PRKAG2: variants seen among roughly 807,000 people sequenced by gnomAD.
PRKAG2 encodes 5'-AMP-activated protein kinase subunit gamma-2.
In PRKAG2, 26 loss-of-function variants were observed where a neutral mutation model predicts 69.6. That is an observed-to-expected ratio of 0.37 (90% CI 0.27 to 0.52). The LOEUF is 0.52. PRKAG2 is among the 20% of genes least tolerant of loss of function. The pLI is 0.90. For synonymous variants in PRKAG2, 293 were observed against 285.0 expected (o/e 1.03, Z -0.28); for missense variants, 557 against 740.0 (o/e 0.75, Z 2.87).
intron 1 of PRKAG2, among the ~76,000 whole-genome samples, chr7:151,827,716 C>T (rs2078931973): frequency 8.1e-6 from 1 of 123,046 alleles, no homozygotes; most frequent in South Asian, 2.8e-4. Context: ...ACACATATTC[C>T]AGTAGGAATT....
At chr7:151,827,196 G>C (rs2151870661) in intron 1 of PRKAG2, among the ~76,000 whole-genome samples, 1 of 152,266 alleles carries the variant, frequency 6.6e-6, no homozygotes, top group South Asian at 2.1e-4. Context: ...AATCCATCTG[G>C]GGTCCAGTGG....
At chr7:151,674,294 AGCCCT>A (rs1227128774) in intron 4 of PRKAG2, among the ~76,000 whole-genome samples, 1 of 152,254 alleles carries the variant, frequency 6.6e-6, no homozygotes, top group Non-Finnish European at 1.5e-5. Context: ...AAGAGAGTGT[AGCCCT>A]GCCAACACCT....
chr7:151,726,093 C>T (rs1196209534), intron 3 of PRKAG2, among the ~76,000 whole-genome samples: 1 of 152,070 alleles, frequency 6.6e-6, no homozygotes, highest in East Asian at 1.9e-4. Flanking sequence ...CCACAGGGGT[C>T]CCACCTGCTA....
chr7:151,852,881 G>A (rs1055544134), intron 1 of PRKAG2, among the ~76,000 whole-genome samples: 4 of 152,226 alleles, frequency 2.6e-5, no homozygotes, highest in African/African-American at 9.6e-5. Context: ...GGCCCCATAA[G>A]GGGTCAGGAG....
Position 151,828,192 on chromosome 7 carries a change from G to A in PRKAG2, c.115-41651C>T, listed in dbSNP as rs747606228. Reference sequence around the variant, plus strand: ...CAACTCTTTGTCCAGGGGTCTCCACGCTTTTGTGAGGAAGAGCTACCTCTC... The same window carrying A: ...CAACTCTTTGTCCAGGGGTCTCCACACTTTTGTGAGGAAGAGCTACCTCTC... On this transcript the variant is annotated intron_variant, in intron 1 of 15. Transcript: ENST00000287878. This position sits in a 1 kb window ranked among gnomAD's most constrained non-coding sequence, Gnocchi z 4.6. 9.9e-5 allele frequency among the ~76,000 whole-genome samples: 15 copies of A among 152,192 alleles called. No individual in the cohort carries two copies. The highest frequency in any genetic ancestry group is 1.6e-4 in the Non-Finnish European group (11 of 68,036).
intron 1 of PRKAG2, among the ~76,000 whole-genome samples, chr7:151,875,996 G>A (rs898568792): frequency 2.0e-5 from 3 of 151,808 alleles, no homozygotes; most frequent in African/African-American, 7.3e-5. Flanking sequence ...CTGGAGCGGA[G>A]GGGGTGCATT....
At position 151,688,042 on chromosome 7, in the gene PRKAG2, G is replaced by GCCCCCCCCCCCCCCCCCC. The variant is rs61417635; in HGVS notation, c.467-12406_467-12405insGGGGGGGGGGGGGGGGGG. ...AGGAGGAGGAGGAGGAGGAAATGAGGCCCCCCCCCGGGCTCCTTGCTGAGT... is the reference window on the plus strand; with the variant it reads ...AGGAGGAGGAGGAGGAGGAAATGAGGCCCCCCCCCCCCCCCCCCCCCCCCCCCGGGCTCCTTGCTGAGT... On this transcript the variant is annotated intron_variant, in intron 3 of 15. Transcript: ENST00000287878. 4.7e-5 allele frequency among the ~76,000 whole-genome samples: 5 copies of GCCCCCCCCCCCCCCCCCC among 107,044 alleles called. 1 individual carries two copies. Among genetic ancestry groups the GCCCCCCCCCCCCCCCCCC allele is most frequent in the Admixed American group, 9.4e-5 (1 of 10,612 alleles). 70.2% of individuals were successfully genotyped at this position (107,044 alleles called of 152,430 possible). A position where few individuals can be genotyped will look rare whatever the true frequency, so the allele number is the denominator to read the frequency against.
intron 3 of PRKAG2, among the ~76,000 whole-genome samples, chr7:151,725,811 TG>T (rs146309674): frequency 0.01 from 1,523 of 152,258 alleles, 26 homozygotes; most frequent in African/African-American, 0.035. Context: ...TTTCTGCCAC[TG>T]GTGGGAGAAG....
chr7:151,575,395 G>C (rs1023934416), intron 7 of PRKAG2, among the ~76,000 whole-genome samples: 2 of 152,144 alleles, frequency 1.3e-5, no homozygotes, highest in Non-Finnish European at 2.9e-5. Context: ...CTTTTGACGT[G>C]CTAGACACCA....
At chr7:151,702,459 A>G (rs1322338133) in intron 3 of PRKAG2, among the ~76,000 whole-genome samples, 1 of 152,088 alleles carries the variant, frequency 6.6e-6, no homozygotes, top group Admixed American at 6.5e-5. Flanking sequence ...TGAGAGTCCC[A>G]CCCACAGAGG....
chr7:151,559,709 G>A (rs1007197042), intron 15 of PRKAG2: 2 of 985,338 alleles, frequency 2.0e-6, no homozygotes, highest in Middle Eastern at 5.2e-4. Context: ...AATCAATACT[G>A]TAGCACACAC....
intron 3 of PRKAG2, among the ~76,000 whole-genome samples, chr7:151,693,285 C>A (rs868354241): frequency 6.6e-6 from 1 of 152,148 alleles, no homozygotes; most frequent in Non-Finnish European, 1.5e-5. Context: ...AGGCCCAAGG[C>A]GGCCATAAGG....
intron 9 of PRKAG2, among the ~76,000 whole-genome samples, chr7:151,570,871 A>C (rs1807387660): frequency 6.6e-6 from 1 of 151,756 alleles, no homozygotes; most frequent in South Asian, 2.1e-4. Flanking sequence ...AGGTACAAGC[A>C]ATTCTCCCAC....
chr7:151,564,213 A>C lies in PRKAG2; in HGVS notation c.1449T>G (p.Ala483=). 6.2e-7 allele frequency: 1 copy of C among 1,614,158 alleles called. No homozygotes were observed. The highest frequency in any genetic ancestry group is 8.5e-7 in the Non-Finnish European group (1 of 1,179,992). Residue 483 remains alanine, a synonymous_variant, in exon 14 of 16, where the codon GCT becomes GCG. Transcript: ENST00000287878. ...YSKFDVINLA[A]EKTYNNLDIT... is the part of the protein sequence containing the mutation. ...TATCTAGGTTATTGTATGTTTTCTC[A>C]GCAGCAAGATTCTGTAATGAAGCAA...
At chr7:151,866,061 CA>C (rs2080070323) in intron 1 of PRKAG2, among the ~76,000 whole-genome samples, 2 of 151,300 alleles carry the variant, frequency 1.3e-5, no homozygotes, top group Non-Finnish European at 2.9e-5. Context: ...GTGGAGAAGA[CA>C]GGTTATTTAT....
chr7:151,841,431 G>C (rs1345525830), intron 1 of PRKAG2, among the ~76,000 whole-genome samples: 3 of 144,920 alleles, frequency 2.1e-5, no homozygotes, highest in African/African-American at 7.4e-5. Context: ...GGTAGGGATG[G>C]TAGTGATAGT....
At chr7:151,737,274 G>C (rs71539900) in intron 3 of PRKAG2, among the ~76,000 whole-genome samples, 1 of 151,764 alleles carries the variant, frequency 6.6e-6, no homozygotes, top group South Asian at 2.1e-4. Flanking sequence ...GGGAGGCTGA[G>C]GTGGGAGGAT....
chr7:151,587,109 C>A (rs986375668), intron 6 of PRKAG2, among the ~76,000 whole-genome samples: 1 of 152,132 alleles, frequency 6.6e-6, no homozygotes, highest in Non-Finnish European at 1.5e-5. Flanking sequence ...CCACTGAACT[C>A]CAGCCTGGGC....
chr7:151,573,208 AG>A (rs1474491487), intron 8 of PRKAG2, among the ~76,000 whole-genome samples: 4 of 149,614 alleles, frequency 2.7e-5, no homozygotes, highest in Non-Finnish European at 5.9e-5. Context: ...TCCGGGCTGG[AG>A]TGCACAAGTG....
Sources: gnomAD v4.1 joint callset for allele counts (sites outside exome capture counted in the v4.1 genomes callset) on GRCh38, gnomAD v4.1.1 for gene constraint, Gnocchi (gnomAD v3.1) non-coding constraint, MANE v1.5 for transcripts, NCBI Gene and HGNC (gene_info 2026-07-23, HGNC 2026-07-21) for gene names.